SLCO3A1: variants seen among roughly 807,000 people sequenced by gnomAD.
SLCO3A1 encodes the protein solute carrier organic anion transporter family member 3A1, also known as PGE1 transporter.
In SLCO3A1, 27 loss-of-function variants were observed where a neutral mutation model predicts 63.1. That is an observed-to-expected ratio of 0.43 (90% CI 0.32 to 0.59). SLCO3A1 has a LOEUF of 0.59. SLCO3A1 is among the 20% of genes least tolerant of loss of function. The pLI, the probability that SLCO3A1 is intolerant of heterozygous loss-of-function variation, is 0.09. For missense variants in SLCO3A1, 773 were observed against 945.8 expected, an observed-to-expected ratio of 0.82 and a Z score of 2.40; for synonymous variants, 473 against 409.9, an observed-to-expected ratio of 1.15 and a Z score of -1.86.
chr15:91,876,564 G>A (rs1897403016), intron 1 of SLCO3A1, among the ~76,000 whole-genome samples: 1 of 152,210 alleles, frequency 6.6e-6, no homozygotes, highest in Non-Finnish European at 1.5e-5. Context: ...CTATAATTAA[G>A]CACAAATTAA....
At chr15:92,049,758 A>T (rs1275504394) in intron 2 of SLCO3A1, among the ~76,000 whole-genome samples, 1 of 152,168 alleles carries the variant, frequency 6.6e-6, no homozygotes, top group Non-Finnish European at 1.5e-5. Flanking sequence ...TTTCCAAGAG[A>T]TTACTGACAT....
In SLCO3A1 at chr15:92,163,343, G is replaced by A. The variant is rs868774498; in HGVS notation, c.*208G>A. 3.4e-5 allele frequency: 41 copies of A among 1,211,736 alleles called. No individual in the cohort carries two copies. In the South Asian group the frequency reaches 8.2e-4, roughly 24 times the overall value. 75.1% of individuals were successfully genotyped at this position (1,211,736 alleles called of 1,614,324 possible). A position where few individuals can be genotyped will look rare whatever the true frequency, so the allele number is the denominator to read the frequency against. On this transcript the variant is annotated 3_prime_UTR_variant, in exon 10 of 10. Coordinates refer to ENST00000318445, the MANE Select transcript of SLCO3A1 (RefSeq NM_013272.4). ...GAATAAGGAGAGAATGACATCGTGC[G>A]GCAGGGTCCTGGAGGCCACTTGCGC... is the stretch of plus-strand genomic sequence containing the variant.
chr15:91,978,891 A>G (rs1257255340), intron 2 of SLCO3A1, among the ~76,000 whole-genome samples: 4 of 152,232 alleles, frequency 2.6e-5, no homozygotes, highest in Admixed American at 2.6e-4. Flanking sequence ...TTACAGAAAA[A>G]GTTTGCCAAC....
intron 9 of SLCO3A1, among the ~76,000 whole-genome samples, chr15:92,156,299 G>T (rs1466274884): frequency 6.6e-6 from 1 of 152,178 alleles, no homozygotes; most frequent in East Asian, 1.9e-4. Flanking sequence ...ACTTTTAATT[G>T]TTCATTCGGC....
chr15:92,057,671 T>C (rs2047037962), intron 2 of SLCO3A1, among the ~76,000 whole-genome samples: 1 of 152,178 alleles, frequency 6.6e-6, no homozygotes, highest in South Asian at 2.1e-4. Context: ...CCAGAATGTC[T>C]GCTGCTTCTT....
At chr15:92,135,662 A>C (rs2048048184) in intron 7 of SLCO3A1, among the ~76,000 whole-genome samples, 1 of 152,254 alleles carries the variant, frequency 6.6e-6, no homozygotes, top group Non-Finnish European at 1.5e-5. Context: ...ACGTCAGTGA[A>C]TTATGAGAAA....
In SLCO3A1 at chr15:91,972,993, C is replaced by A. The variant is rs112841724; in HGVS notation, c.646+56535C>A. Among the ~76,000 whole-genome samples, 658 of 152,282 alleles carry A rather than the reference C, an allele frequency of 4.3e-3. 6 individuals are homozygous for A. Among genetic ancestry groups the A allele is most frequent in the African/African-American group, 0.015 (624 of 41,554 alleles). ...AAAATCAGCTAAGCATGGTGGCATG[C>A]ACTTGTAGTCCCAGCTACTAGGGAG... is the stretch of plus-strand genomic sequence containing the variant. On this transcript the variant is annotated intron_variant, in intron 2 of 9. Transcript: ENST00000318445.
intron 4 of SLCO3A1, among the ~76,000 whole-genome samples, chr15:92,109,005 T>C (rs2047697755): frequency 6.6e-6 from 1 of 152,204 alleles, no homozygotes; most frequent in African/African-American, 2.4e-5. Flanking sequence ...AGTTCATCTG[T>C]TCATTTCCAA....
At chr15:91,971,535 C>T (rs1157138507) in intron 2 of SLCO3A1, among the ~76,000 whole-genome samples, 2 of 151,840 alleles carry the variant, frequency 1.3e-5, no homozygotes, top group African/African-American at 2.4e-5. Context: ...TGAAAAGGCC[C>T]CAAGCACAGT....
At chr15:92,142,593 G>T (rs147571392) in intron 7 of SLCO3A1, among the ~76,000 whole-genome samples, 1 of 152,166 alleles carries the variant, frequency 6.6e-6, no homozygotes, top group Non-Finnish European at 1.5e-5. Context: ...CTTGGGTCAA[G>T]GGACACCGAA....
chr15:91,854,085 C>T lies in SLCO3A1; in HGVS notation c.177C>T (p.Tyr59=). 1 of 1,518,030 alleles carries T rather than the reference C, an allele frequency of 6.6e-7. No individual in the cohort carries two copies. Among genetic ancestry groups the T allele is most frequent in the South Asian group, 1.2e-5 (1 of 81,458 alleles). The allele number at this position is 1,518,030 out of a possible 1,614,324, so 94.0% of individuals were successfully genotyped here. ...TGGCGCAGGGCACGGTGGGCGCCTA[C>T]CTGGTGAGTCCCCGAGCCAACTCCG... is the stretch of plus-strand genomic sequence containing the variant. ...LMLAQGTVGA[Y]LVSVLTTLER... Residue 59 remains tyrosine (Y), a synonymous_variant, in exon 1 of 10, where the codon TAC becomes TAT. Transcript: ENST00000318445. The surrounding 1 kb of genome is among the most constrained non-coding windows in gnomAD (Gnocchi z 6.4).
Position 91,856,496 on chromosome 15 carries a change from G to A in SLCO3A1, c.180+2408G>A, listed in dbSNP as rs1896924137. Among the ~76,000 whole-genome samples, 1 of 152,076 alleles carries A rather than the reference G, an allele frequency of 6.6e-6. No individual in the cohort carries two copies. The highest frequency in any genetic ancestry group is 1.5e-5 in the Non-Finnish European group (1 of 68,002). On this transcript the variant is annotated intron_variant, in intron 1 of 9. Coordinates refer to ENST00000318445, the MANE Select transcript of SLCO3A1 (RefSeq NM_013272.4). The surrounding 1 kb of genome is among the most constrained non-coding windows in gnomAD (Gnocchi z 4.9). ...TCTCTTCATCTGTTATTTGGGAGAT[G>A]GGGAAAAAAAGTTTGCTCCTTCAGC...
At chr15:91,938,265 A>G (rs565809280) in intron 2 of SLCO3A1, among the ~76,000 whole-genome samples, 1 of 152,304 alleles carries the variant, frequency 6.6e-6, no homozygotes, top group African/African-American at 2.4e-5. Flanking sequence ...AGAAAATCCC[A>G]GTGCAGGGCC....
At chr15:92,145,207 A>T (rs758634678) in intron 7 of SLCO3A1, among the ~76,000 whole-genome samples, 10 of 152,196 alleles carry the variant, frequency 6.6e-5, no homozygotes, top group Non-Finnish European at 1.5e-4. Flanking sequence ...AACAGAAGCC[A>T]GTCAGAGTCA....
At chr15:91,973,440 A>G (rs1274381429) in intron 2 of SLCO3A1, among the ~76,000 whole-genome samples, 2 of 152,226 alleles carry the variant, frequency 1.3e-5, no homozygotes, top group Non-Finnish European at 2.9e-5. Context: ...AGATACAATT[A>G]TCTTTAGTTG....
intron 1 of SLCO3A1, among the ~76,000 whole-genome samples, chr15:91,864,789 G>T (rs1567162128): frequency 6.6e-6 from 1 of 152,174 alleles, no homozygotes; most frequent in Non-Finnish European, 1.5e-5. Flanking sequence ...TGTCGCCTTG[G>T]TGCTGCTTTT....
chr15:92,107,842 C>G (rs1283786576), intron 4 of SLCO3A1, among the ~76,000 whole-genome samples: 3 of 152,226 alleles, frequency 2.0e-5, no homozygotes, highest in Admixed American at 6.5e-5. Flanking sequence ...GGGTTAAAAT[C>G]CAGCTCAGTC....
chr15:92,040,693 T>C (rs964149246), intron 2 of SLCO3A1, among the ~76,000 whole-genome samples: 1 of 152,306 alleles, frequency 6.6e-6, no homozygotes, highest in African/African-American at 2.4e-5. Flanking sequence ...CCTCTCCCAC[T>C]GCCTGTGACA....
At chr15:91,911,757 G>T (rs1419027202) in intron 1 of SLCO3A1, among the ~76,000 whole-genome samples, 2 of 152,098 alleles carry the variant, frequency 1.3e-5, no homozygotes, top group Non-Finnish European at 2.9e-5. Context: ...CTCCAGAGGA[G>T]CTGGGACTAC....
Sources: allele counts gnomAD v4.1 joint callset (sites outside exome capture counted in the v4.1 genomes callset), GRCh38; gene constraint gnomAD v4.1.1; non-coding constraint Gnocchi (gnomAD v3.1); transcripts MANE v1.5; gene names NCBI Gene and HGNC (gene_info 2026-07-23, HGNC 2026-07-21).